The following ABR variants were observed in gnomAD, a reference collection of about 807,000 sequenced individuals.
The protein encoded by ABR is active breakpoint cluster region-related protein.
ABR carries 35 observed loss-of-function variants against 107.2 expected under a neutral mutation model. That is an observed-to-expected ratio of 0.33 (90% CI 0.25 to 0.43). The LOEUF (loss-of-function observed/expected upper bound fraction) is 0.43. ABR is among the 20% of genes least tolerant of loss of function. The pLI, the probability that ABR is intolerant of heterozygous loss-of-function variation, is 1.00. For synonymous variants in ABR, 498 were observed against 462.0 expected (o/e 1.08, Z -1.00); for missense variants, 815 against 1,115.2 (o/e 0.73, Z 3.83).
At chr17:1,189,418 C>T (rs1254211762), upstream of ABR, among the ~76,000 whole-genome samples, 2 of 147,714 alleles carry the variant, frequency 1.4e-5, no homozygotes, top group South Asian at 2.1e-4. Context: ...GGTGCAATCT[C>T]GGCTCACTGA....
chr17:1,052,313 G>A (rs941927934), intron 14 of ABR, among the ~76,000 whole-genome samples: 23 of 151,870 alleles, frequency 1.5e-4, no homozygotes, highest in African/African-American at 5.3e-4. Flanking sequence ...GATTGATCTC[G>A]GTGTGAGCCC....
chr17:1,164,568 G>A lies in ABR; in HGVS notation c.61+15099C>T, dbSNP rs548402447. 3.3e-5 allele frequency among the ~76,000 whole-genome samples: 5 copies of A among 151,880 alleles called. No homozygotes were observed. The South Asian group carries it at 6.2e-4, about 19-fold the overall frequency. On this transcript the variant is annotated intron_variant, in intron 1 of 22. Transcript: ENST00000302538. ...TCAGGTGAGCAACAGACAAGCTTTC[G>A]GTCTACAGATAAAATGCAAGACGCC... is the stretch of plus-strand genomic sequence containing the variant.
At chr17:1,101,970 T>C (rs943273836) in intron 2 of ABR, among the ~76,000 whole-genome samples, 1 of 152,104 alleles carries the variant, frequency 6.6e-6, no homozygotes, top group Non-Finnish European at 1.5e-5. Flanking sequence ...CCTGACCTCG[T>C]GATCCGCCCG....
At chr17:1,077,812 C>A (rs2035852689) in intron 6 of ABR, among the ~76,000 whole-genome samples, 1 of 152,174 alleles carries the variant, frequency 6.6e-6, no homozygotes, top group Non-Finnish European at 1.5e-5. Context: ...GAGGAAGGTC[C>A]TAAAACCAGC....
At chr17:1,048,333 T>C (rs1165536256) in intron 16 of ABR, among the ~76,000 whole-genome samples, 2 of 152,174 alleles carry the variant, frequency 1.3e-5, no homozygotes, top group African/African-American at 4.8e-5. Context: ...GGCCCCTGGT[T>C]CAAACACTGG....
intron 10 of ABR, among the ~76,000 whole-genome samples, chr17:1,060,759 GGGGC>G (rs2033831253): frequency 1.3e-5 from 2 of 152,126 alleles, no homozygotes; most frequent in African/African-American, 4.8e-5. Context: ...TTGGGAGGCC[GGGGC>G]GGGTGGATCA....
chr17:1,089,454 G>A (rs1446835181), intron 4 of ABR, among the ~76,000 whole-genome samples: 2 of 152,242 alleles, frequency 1.3e-5, no homozygotes, highest in Admixed American at 6.5e-5. Context: ...CCCAGTTGCA[G>A]GTTTAATCTG....
chr17:1,040,347 G>C (rs2030167839), intron 16 of ABR, among the ~76,000 whole-genome samples: 1 of 152,222 alleles, frequency 6.6e-6, no homozygotes, highest in Admixed American at 6.5e-5. Context: ...GTGCTCTCCA[G>C]AGTAATTGAA....
In ABR at chr17:1,092,747, T is replaced by C. The variant is rs550841492; in HGVS notation, c.346-897A>G. 3.3e-5 allele frequency among the ~76,000 whole-genome samples: 5 copies of C among 149,954 alleles called. No individual in the cohort carries two copies. The South Asian group carries it at 8.4e-4, about 25-fold the overall frequency. On this transcript the variant is annotated intron_variant, in intron 3 of 22. Coordinates refer to ENST00000302538, the MANE Select transcript of ABR (RefSeq NM_021962.5). The surrounding 1 kb of genome is among the most constrained non-coding windows in gnomAD (Gnocchi z 4.6). Reference sequence around the variant, plus strand: ...TGACCAGGCTGTACTGCAAAGGCCCTGCAGGACACAGGGCCTGATAACCTG... The same window carrying C: ...TGACCAGGCTGTACTGCAAAGGCCCCGCAGGACACAGGGCCTGATAACCTG...
intron 16 of ABR, among the ~76,000 whole-genome samples, chr17:1,041,787 A>G (rs535492491): frequency 5.3e-5 from 8 of 152,164 alleles, no homozygotes; most frequent in Non-Finnish European, 1.2e-4. Context: ...CCAAGAAGTC[A>G]AGGGACCAGA....
intron 16 of ABR, among the ~76,000 whole-genome samples, chr17:1,046,147 A>C (rs1409401528): frequency 6.6e-6 from 1 of 151,380 alleles, no homozygotes; most frequent in South Asian, 2.1e-4. Context: ...CTGGGATTAC[A>C]GGCACGCACG....
chr17:1,128,436 T>C (rs1445886987), intron 1 of ABR, among the ~76,000 whole-genome samples: 1 of 152,226 alleles, frequency 6.6e-6, no homozygotes, highest in African/African-American at 2.4e-5. Context: ...GAAATCCTAC[T>C]GTATTCGGAG....
intron 1 of ABR, among the ~76,000 whole-genome samples, chr17:1,142,760 G>A (rs1329706588): frequency 6.6e-6 from 1 of 152,134 alleles, no homozygotes; most frequent in African/African-American, 2.4e-5. Flanking sequence ...GCTTTGCTCT[G>A]ATTGTGAACC....
At chr17:1,217,310 A>C (rs1489303735) in intron 1 of ABR, among the ~76,000 whole-genome samples, 2 of 152,116 alleles carry the variant, frequency 1.3e-5, no homozygotes, top group African/African-American at 2.4e-5. Context: ...GGATTATTCA[A>C]ATTACAGGAT....
In ABR at chr17:1,179,585, C is replaced by G; in HGVS notation, c.61+82G>C. The G allele has an allele frequency of 7.3e-7, 1 of 1,362,868 alleles. No homozygotes were observed. Among genetic ancestry groups the G allele is most frequent in the Non-Finnish European group, 9.6e-7 (1 of 1,039,356 alleles). 84.4% of individuals were successfully genotyped at this position (1,362,868 alleles called of 1,614,324 possible). On this transcript the variant is annotated intron_variant, in intron 1 of 22. Transcript: ENST00000302538. This position sits in a 1 kb window ranked among gnomAD's most constrained non-coding sequence, Gnocchi z 4.9. ...GGTCCCGATCCCGATCTTGGGGTCC[C>G]GATCCCGATCCTGGGGTCCCGATCT... is the stretch of plus-strand genomic sequence containing the variant.
At chr17:1,079,624 A>G (rs2036050668) in intron 5 of ABR, among the ~76,000 whole-genome samples, 1 of 151,888 alleles carries the variant, frequency 6.6e-6, no homozygotes. Flanking sequence ...CCCCATCTCT[A>G]CTAAAAATAC....
Position 1,070,999 on chromosome 17 carries a change from C to T in ABR, c.895-909G>A, listed in dbSNP as rs528221464. On this transcript the variant is annotated intron_variant, in intron 8 of 22. Transcript: ENST00000302538. This position sits in a 1 kb window ranked among gnomAD's most constrained non-coding sequence, Gnocchi z 4.2. ...CCAACGTGGCGAAACCCCGTCTCTACTAAAAATACAAAAACTAGCCAGACA... is the reference window on the plus strand; with the variant it reads ...CCAACGTGGCGAAACCCCGTCTCTATTAAAAATACAAAAACTAGCCAGACA... 1.3e-5 allele frequency among the ~76,000 whole-genome samples: 2 copies of T among 152,228 alleles called. No homozygotes were observed. The highest frequency in any genetic ancestry group is 3.9e-4 in the East Asian group (2 of 5,188).
At chr17:1,012,340 G>C (rs1319452318) in intron 18 of ABR, 1 of 641,120 alleles carries the variant, frequency 1.6e-6, no homozygotes, top group Admixed American at 2.1e-5. Flanking sequence ...CAGGGTGGTG[G>C]TGAACCGGGG....
At chr17:1,164,778 C>CA (rs1232201754) in intron 1 of ABR, among the ~76,000 whole-genome samples, 1 of 152,066 alleles carries the variant, frequency 6.6e-6, no homozygotes, top group East Asian at 1.9e-4. Flanking sequence ...GCCATCCTCC[C>CA]ACCTCAGCCT....
Sources: gnomAD v4.1 joint callset for allele counts (sites outside exome capture counted in the v4.1 genomes callset) on GRCh38, gnomAD v4.1.1 for gene constraint, Gnocchi (gnomAD v3.1) non-coding constraint, MANE v1.5 for transcripts, NCBI Gene and HGNC (gene_info 2026-07-23, HGNC 2026-07-21) for gene names.